CHD7: variants seen among roughly 807,000 people sequenced by gnomAD.
CHD7 encodes the protein ATP-dependent chromatin remodeler CHD7.
In CHD7, 24 loss-of-function variants were observed where a neutral mutation model predicts 307.3. The observed-to-expected ratio is 0.08, with a 90% CI of 0.06 to 0.11. CHD7 has a LOEUF of 0.11. CHD7 is among the 10% of genes least tolerant of loss of function. The probability of loss-of-function intolerance (pLI) is 1.00; values close to 1 mark genes in which losing one functional copy is unlikely to be tolerated. For missense variants in CHD7, 3,106 were observed against 3,727.1 expected, an observed-to-expected ratio of 0.83 and a Z score of 4.34; for synonymous variants, 1,363 against 1,349.9, an observed-to-expected ratio of 1.01 and a Z score of -0.21.
intron 1 of CHD7, among the ~76,000 whole-genome samples, chr8:60,697,451 T>G (rs1806537361): frequency 6.6e-6 from 1 of 152,114 alleles, no homozygotes; most frequent in Non-Finnish European, 1.5e-5. Flanking sequence ...CAGAGGAGGA[T>G]AAGAAAAGGA....
intron 14 of CHD7, among the ~76,000 whole-genome samples, chr8:60,829,667 A>G (rs1159734760): frequency 6.6e-6 from 1 of 152,202 alleles, no homozygotes; most frequent in African/African-American, 2.4e-5. Flanking sequence ...TGTGGGCATT[A>G]GTTATAATTT....
intron 1 of CHD7, among the ~76,000 whole-genome samples, chr8:60,737,316 A>G (rs867280216): frequency 5.3e-5 from 8 of 152,198 alleles, no homozygotes; most frequent in Non-Finnish European, 1.5e-5. Flanking sequence ...TGATTCTCTG[A>G]ATAAAACAGA....
At chr8:60,754,403 C>G (rs1009281038) in intron 2 of CHD7, among the ~76,000 whole-genome samples, 1 of 152,140 alleles carries the variant, frequency 6.6e-6, no homozygotes, top group Non-Finnish European at 1.5e-5. Context: ...GTGGTATATG[C>G]CCAATAAATG....
In CHD7 at chr8:60,742,552, A is replaced by G. The variant is rs781148135; in HGVS notation, c.1120A>G (p.Asn374Asp). The G allele has an allele frequency of 4.3e-6, 7 of 1,613,990 alleles. No homozygotes were observed. Among genetic ancestry groups the G allele is most frequent in the Non-Finnish European group, 5.9e-6 (7 of 1,179,898 alleles). ...QQPIHPSGSL[N>D]QMNTQTMHPS... ...GCCCATCCACCCCAGTGGCTCACTT[A>G]ACCAAATGAACACACAAACTATGCA... Residue 374 changes from asparagine (N) to aspartate (D), a missense_variant, in exon 2 of 38, where the codon AAC becomes GAC. Physicochemically the swap from Asn to Asp is conservative, Grantham distance 23. Around this residue, in one of 10 missense-constraint regions of CHD7, gnomAD observed 998 missense variants for 1,004.5 expected, o/e 0.99. Coordinates refer to ENST00000423902, the MANE Select transcript of CHD7 (RefSeq NM_017780.4).
intron 2 of CHD7, among the ~76,000 whole-genome samples, chr8:60,765,496 C>T (rs1008836894): frequency 6.6e-6 from 1 of 152,146 alleles, no homozygotes; most frequent in African/African-American, 2.4e-5. Flanking sequence ...TGGGGAAGGC[C>T]TTGGGAAGAG....
At chr8:60,846,489 CG>C (rs1805216492) in intron 23 of CHD7, among the ~76,000 whole-genome samples, 2 of 152,070 alleles carry the variant, frequency 1.3e-5, no homozygotes. Context: ...TGCATTTTTC[CG>C]TATCACTAGT....
rs1191906296 is a variant in CHD7 at position 60,830,572 on chromosome 8, T to C, written c.3773T>C (p.Ile1258Thr). 1 of 1,612,914 alleles carries C rather than the reference T, an allele frequency of 6.2e-7. No homozygotes were observed. The highest frequency in any genetic ancestry group is 1.1e-5 in the South Asian group (1 of 91,046). ...AAGTGCTGCAATCATCCGTACCTTA[T>C]CAATGGTAAGGCTGCCCTGCTCGCG... is the stretch of plus-strand genomic sequence containing the variant. ...LRKCCNHPYL[I>T]NGAEEKILEE... Residue 1258 changes from isoleucine to threonine, a missense_variant, in exon 15 of 38, where the codon ATC becomes ACC. Ile to Thr is a moderately conservative substitution (Grantham distance 89, BLOSUM62 -1). Transcript: ENST00000423902.
At chr8:60,704,081 C>G (rs1278134589) in intron 1 of CHD7, among the ~76,000 whole-genome samples, 2 of 152,124 alleles carry the variant, frequency 1.3e-5, no homozygotes, top group African/African-American at 4.8e-5. Flanking sequence ...AAAAAACACT[C>G]CTGTTGTTAA....
Position 60,813,867 on chromosome 8 carries a change from G to A in CHD7, c.2499-2520G>A, listed in dbSNP as rs541875189. Among the ~76,000 whole-genome samples the A allele has an allele frequency of 5.3e-5, 8 of 151,314 alleles. No individual in the cohort carries two copies. The South Asian group carries it at 1.3e-3, about 24-fold the overall frequency. ...TATAAATATAAATATTTACTACTTTGCACTGATATGGGTAAGGGATATGCT... is the reference window on the plus strand; with the variant it reads ...TATAAATATAAATATTTACTACTTTACACTGATATGGGTAAGGGATATGCT... On this transcript the variant is annotated intron_variant, in intron 7 of 37. Transcript: ENST00000423902.
intron 2 of CHD7, among the ~76,000 whole-genome samples, chr8:60,753,338 G>C (rs1029053820): frequency 8.5e-5 from 13 of 152,176 alleles, no homozygotes; most frequent in Non-Finnish European, 1.3e-4. Context: ...CCTGACCTCT[G>C]ATGCAACAAC....
chr8:60,845,647 A>G (rs555554002), intron 23 of CHD7, among the ~76,000 whole-genome samples: 64 of 152,314 alleles, frequency 4.2e-4, no homozygotes, highest in Non-Finnish European at 8.4e-4. Context: ...TTGCCTTTGC[A>G]CAGCCTTATC....
chr8:60,834,964 T>C (rs139802463), intron 15 of CHD7, among the ~76,000 whole-genome samples: 81 of 152,334 alleles, frequency 5.3e-4, no homozygotes, highest in Middle Eastern at 3.4e-3. Flanking sequence ...AGTTCACATG[T>C]TAAAAACCAG....
At chr8:60,747,782 G>A (rs560055368) in intron 2 of CHD7, among the ~76,000 whole-genome samples, 5 of 152,314 alleles carry the variant, frequency 3.3e-5, no homozygotes, top group South Asian at 2.1e-4. Flanking sequence ...GAGCACCACC[G>A]CTTAACGTCA....
intron 6 of CHD7, among the ~76,000 whole-genome samples, chr8:60,803,930 C>A (rs1428793336): frequency 6.6e-6 from 1 of 152,158 alleles, no homozygotes; most frequent in African/African-American, 2.4e-5. Flanking sequence ...CTCTGCCAGG[C>A]AGCACTGTAG....
chr8:60,862,782 AT>A (rs1806061383), intron 37 of CHD7, 130 bp downstream of exon 37: 2 of 591,018 alleles, frequency 3.4e-6, no homozygotes, highest in South Asian at 4.1e-5. Flanking sequence ...ATAATACATC[AT>A]TTTCATACAT....
intron 1 of CHD7, among the ~76,000 whole-genome samples, chr8:60,716,506 T>C (rs1464944728): frequency 6.6e-6 from 1 of 152,222 alleles, no homozygotes; most frequent in African/African-American, 2.4e-5. Context: ...TGTCAGGGCC[T>C]CGTAGGGCCT....
chr8:60,762,866 G>A (rs1233720260), intron 2 of CHD7, among the ~76,000 whole-genome samples: 1 of 152,160 alleles, frequency 6.6e-6, no homozygotes, highest in African/African-American at 2.4e-5. Context: ...GCAGGGTGGG[G>A]AGACAATGGC....
chr8:60,800,938 G>GTGTA (rs1307495858), intron 5 of CHD7, among the ~76,000 whole-genome samples: 1 of 152,160 alleles, frequency 6.6e-6, no homozygotes, highest in Non-Finnish European at 1.5e-5. Context: ...ACCCAGCAGG[G>GTGTA]TGTACTTTAT....
At chr8:60,709,607 T>A (rs544901839) in intron 1 of CHD7, among the ~76,000 whole-genome samples, 2 of 152,336 alleles carry the variant, frequency 1.3e-5, no homozygotes, top group East Asian at 3.9e-4. Context: ...TGACACATCC[T>A]ATGTACATTT....
Sources: gnomAD v4.1 joint callset for allele counts (sites outside exome capture counted in the v4.1 genomes callset) on GRCh38, gnomAD v4.1.1 for gene constraint, gnomAD v4.1.1 regional missense constraint, MANE v1.5 for transcripts, NCBI Gene and HGNC (gene_info 2026-07-23, HGNC 2026-07-21) for gene names.